Variants in ZFYVE28 observed in about 807,000 individuals in gnomAD.
The protein encoded by ZFYVE28 is lateral signaling target protein 2 homolog.
ZFYVE28 carries 40 observed loss-of-function variants against 82.1 expected under a neutral mutation model. That is an observed-to-expected ratio of 0.49 (90% CI 0.38 to 0.63). The LOEUF (loss-of-function observed/expected upper bound fraction) is 0.63. Ranked by LOEUF, ZFYVE28 falls within the 30% of genes least tolerant of loss-of-function variation. The probability of loss-of-function intolerance (pLI) is 0.00; values close to 1 mark genes in which losing one functional copy is unlikely to be tolerated. For missense variants in ZFYVE28, 1,321 were observed against 1,242.1 expected, an observed-to-expected ratio of 1.06 and a Z score of -0.96; for synonymous variants, 612 against 546.1, an observed-to-expected ratio of 1.12 and a Z score of -1.68.
intron 8 of ZFYVE28, among the ~76,000 whole-genome samples, chr4:2,298,966 G>A (rs1435607624): frequency 6.6e-6 from 1 of 152,214 alleles, no homozygotes; most frequent in Non-Finnish European, 1.5e-5. Flanking sequence ...CCACAGAGGA[G>A]CAGCGCGCCT....
At chr4:2,310,549 A>G (rs1717332098) in intron 7 of ZFYVE28, among the ~76,000 whole-genome samples, 1 of 152,158 alleles carries the variant, frequency 6.6e-6, no homozygotes, top group South Asian at 2.1e-4. Context: ...CATGCCTGTA[A>G]TCACAGCATT....
chr4:2,322,117 G>A (rs1443670513), intron 6 of ZFYVE28, among the ~76,000 whole-genome samples: 2 of 152,252 alleles, frequency 1.3e-5, no homozygotes, highest in African/African-American at 4.8e-5. Context: ...CTGCTGCTCA[G>A]CAGCTCTGCA....
chr4:2,361,006 G>T lies in ZFYVE28; in HGVS notation c.40-6933C>A, dbSNP rs546928007. Among the ~76,000 whole-genome samples the T allele has an allele frequency of 3.9e-5, 6 of 152,264 alleles. No individual in the cohort carries two copies. The East Asian group carries it at 1.2e-3, about 29-fold the overall frequency. ...ATGTCCACAATAAAGGGAATCAATT[G>T]ATATAAATAGGAAGTACTCACTTGT... On this transcript the variant is annotated intron_variant, in intron 1 of 12. Transcript: ENST00000290974.
At position 2,418,455 on chromosome 4, in the gene ZFYVE28, G is replaced by C. The variant is rs1479745695; in HGVS notation, c.-132C>G. On this transcript the variant is annotated 5_prime_UTR_variant, in exon 1 of 13. Coordinates refer to ENST00000290974, the MANE Select transcript of ZFYVE28 (RefSeq NM_020972.3). This position sits in a 1 kb window ranked among gnomAD's most constrained non-coding sequence, Gnocchi z 4.6. ...CGCGCTGTCGCAGGGAGGCTGGCTAGCGAAGCCCGGAGCGCCGAGCGGGCG... is the reference window on the plus strand; with the variant it reads ...CGCGCTGTCGCAGGGAGGCTGGCTACCGAAGCCCGGAGCGCCGAGCGGGCG... 5 of 690,608 alleles carry C rather than the reference G, an allele frequency of 7.2e-6. No individual in the cohort carries two copies. The highest frequency in any genetic ancestry group is 9.1e-6 in the Non-Finnish European group (5 of 549,310). 42.8% of individuals were successfully genotyped at this position (690,608 alleles called of 1,614,324 possible).
In ZFYVE28 at chr4:2,417,387, C is replaced by A. The variant is rs1296874297; in HGVS notation, c.39+898G>T. Among the ~76,000 whole-genome samples, 3 of 151,284 alleles carry A rather than the reference C, an allele frequency of 2.0e-5. No individual in the cohort carries two copies. Among genetic ancestry groups the A allele is most frequent in the Non-Finnish European group, 4.4e-5 (3 of 67,736 alleles). ...CTCCGGCTGCAGCGGGCACGAGCCC[C>A]AGGCGGGCGGCGGGGACGCAGCGCC... On this transcript the variant is annotated intron_variant, in intron 1 of 12. Transcript: ENST00000290974. This position sits in a 1 kb window ranked among gnomAD's most constrained non-coding sequence, Gnocchi z 4.8.
intron 1 of ZFYVE28, among the ~76,000 whole-genome samples, chr4:2,393,645 G>A (rs1730070655): frequency 1.3e-5 from 2 of 152,218 alleles, no homozygotes. Flanking sequence ...AGGACATCAT[G>A]CATATGCAAT....
At chr4:2,405,499 G>C (rs577731513) in intron 1 of ZFYVE28, among the ~76,000 whole-genome samples, 27 of 152,356 alleles carry the variant, frequency 1.8e-4, no homozygotes, top group Admixed American at 1.6e-3. Flanking sequence ...ATCATTCCCT[G>C]CAGTGCCCCG....
At chr4:2,373,840 T>G (rs147645326) in intron 1 of ZFYVE28, among the ~76,000 whole-genome samples, 1 of 152,272 alleles carries the variant, frequency 6.6e-6, no homozygotes, top group Non-Finnish European at 1.5e-5. Context: ...ATGCCACGCC[T>G]CTCCACTTTC....
chr4:2,335,065 T>G lies in ZFYVE28; in HGVS notation c.701+640A>C, dbSNP rs947148168. ...ACCCCGCGCATCCTGCCTCGGTGGA[T>G]TTCAGGCCTGAGCTTCCATGTGCTG... On this transcript the variant is annotated intron_variant, in intron 6 of 12. Coordinates refer to ENST00000290974, the MANE Select transcript of ZFYVE28 (RefSeq NM_020972.3). This position sits in a 1 kb window ranked among gnomAD's most constrained non-coding sequence, Gnocchi z 5.8. Among the ~76,000 whole-genome samples the G allele has an allele frequency of 6.6e-6, 1 of 150,748 alleles. No individual in the cohort carries two copies. The highest frequency in any genetic ancestry group is 1.5e-5 in the Non-Finnish European group (1 of 67,592).
Position 2,409,547 on chromosome 4 carries a change from C to G in ZFYVE28, c.39+8738G>C, listed in dbSNP as rs1471626750. Among the ~76,000 whole-genome samples, 1 of 152,218 alleles carries G rather than the reference C, an allele frequency of 6.6e-6. No individual in the cohort carries two copies. The highest frequency in any genetic ancestry group is 6.5e-5 in the Admixed American group (1 of 15,292). ...CCCCTTGCCACTCACATCTCAGCAGCCCCCTCGCCCCCACTCCGCTGGCTG... is the reference window on the plus strand; with the variant it reads ...CCCCTTGCCACTCACATCTCAGCAGGCCCCTCGCCCCCACTCCGCTGGCTG... On this transcript the variant is annotated intron_variant, in intron 1 of 12. Coordinates refer to ENST00000290974, the MANE Select transcript of ZFYVE28 (RefSeq NM_020972.3). This position sits in a 1 kb window ranked among gnomAD's most constrained non-coding sequence, Gnocchi z 4.4.
intron 4 of ZFYVE28, among the ~76,000 whole-genome samples, chr4:2,337,978 C>T (rs1166221964): frequency 6.6e-6 from 1 of 152,256 alleles, no homozygotes; most frequent in African/African-American, 2.4e-5. Flanking sequence ...AACCCCAGCC[C>T]TGCCCATGCG....
chr4:2,304,187 G>C (rs1560168666), intron 8 of ZFYVE28, 102 bp downstream of exon 8: 1 of 1,439,378 alleles, frequency 6.9e-7, no homozygotes, highest in Non-Finnish European at 9.2e-7. Context: ...CGGTGGCCAA[G>C]ATGGCTCAGG....
chr4:2,318,185 C>G (rs996464513), intron 7 of ZFYVE28, among the ~76,000 whole-genome samples: 3 of 152,226 alleles, frequency 2.0e-5, no homozygotes, highest in Admixed American at 6.5e-5. Flanking sequence ...AAGTAGACTG[C>G]AGCTCACCTC....
chr4:2,369,842 T>TA (rs1250186027), intron 1 of ZFYVE28, among the ~76,000 whole-genome samples: 1,489 of 138,928 alleles, frequency 0.011, 15 homozygotes, highest in Middle Eastern at 0.024. Context: ...GATTTTTTTT[T>TA]TTCTTTTCTT....
intron 6 of ZFYVE28, among the ~76,000 whole-genome samples, chr4:2,322,896 T>C (rs569284510): frequency 1.3e-5 from 2 of 152,362 alleles, no homozygotes; most frequent in South Asian, 4.1e-4. Context: ...AGGCTCACCA[T>C]GCTGTGGCAC....
chr4:2,382,400 G>T (rs934689591), intron 1 of ZFYVE28, among the ~76,000 whole-genome samples: 1 of 152,232 alleles, frequency 6.6e-6, no homozygotes, highest in African/African-American at 2.4e-5. Flanking sequence ...ACCCTGCAAA[G>T]TCACAGGGGT....
Position 2,341,556 on chromosome 4 carries a change from G to T in ZFYVE28, c.240C>A (p.Ala80=). Residue 80 remains alanine, a synonymous_variant, in exon 3 of 13, where the codon GCC becomes GCA. Coordinates refer to ENST00000290974, the MANE Select transcript of ZFYVE28 (RefSeq NM_020972.3). The surrounding 1 kb of genome is among the most constrained non-coding windows in gnomAD (Gnocchi z 4.5). ...GGAACTTGACGCAGAAATCTCTGGG[G>T]GCGCGGTCCTGGGGGATGCACTCAT... The part of the protein sequence containing the change: ...IMDECIPQDR[A]PRDFCVKFPE... The T allele has an allele frequency of 1.2e-6, 2 of 1,614,114 alleles. No individual in the cohort carries two copies. Among genetic ancestry groups the T allele is most frequent in the Non-Finnish European group, 1.7e-6 (2 of 1,180,038 alleles).
At chr4:2,343,028 T>G (rs1723040264) in intron 2 of ZFYVE28, 1 of 152,206 alleles carries the variant, frequency 6.6e-6, no homozygotes. Context: ...CATATACAAT[T>G]TTTGATGGAT....
chr4:2,364,977 G>A, intron 1 of ZFYVE28: 1 of 882,734 alleles, frequency 1.1e-6, no homozygotes, highest in Non-Finnish European at 1.4e-6. Flanking sequence ...GGGTGTCCCG[G>A]GCGCACGCGG....
Sources: gnomAD v4.1 joint callset for allele counts (sites outside exome capture counted in the v4.1 genomes callset) on GRCh38, gnomAD v4.1.1 for gene constraint, Gnocchi (gnomAD v3.1) non-coding constraint, MANE v1.5 for transcripts, NCBI Gene and HGNC (gene_info 2026-07-23, HGNC 2026-07-21) for gene names.